GPC4: variants seen among roughly 807,000 people sequenced by gnomAD.
GPC4 encodes glypican-4.
Under a neutral mutation model 35.0 loss-of-function variants are expected in GPC4, and 10 were observed. The ratio of observed to expected loss-of-function variants is 0.29; its 90% confidence interval spans 0.18 to 0.48. The LOEUF (loss-of-function observed/expected upper bound fraction) is 0.48, where lower values mean the gene tolerates loss of function less well. GPC4 is among the 20% of genes least tolerant of loss of function. GPC4 has a pLI of 0.99. For synonymous variants in GPC4, 167 were observed against 170.2 expected, an observed-to-expected ratio of 0.98 and a Z score of 0.15; for missense variants, 322 against 451.3, an observed-to-expected ratio of 0.71 and a Z score of 2.60.
chrX:133,396,333 G>A (rs1023132668), intron 1 of GPC4, among the ~76,000 whole-genome samples: 30 of 111,312 alleles, frequency 2.7e-4, no homozygotes, highest in African/African-American at 9.5e-4. Context: ...TTCAGAAAAC[G>A]ACTTAATACT....
intron 1 of GPC4, among the ~76,000 whole-genome samples, chrX:133,376,960 C>G (rs2068636371): frequency 8.9e-6 from 1 of 111,963 alleles, no homozygotes; most frequent in African/African-American, 3.2e-5. Context: ...ACTGGACAAG[C>G]AGAACAGCTT....
intron 4 of GPC4, among the ~76,000 whole-genome samples, chrX:133,306,892 T>TA (rs1213453789): frequency 1.8e-5 from 2 of 112,164 alleles, no homozygotes; most frequent in Non-Finnish European, 3.8e-5. Flanking sequence ...TATCCTGCTT[T>TA]AGACTCTGGA....
chrX:133,355,881 T>C (rs1442576489), intron 1 of GPC4, among the ~76,000 whole-genome samples: 1 of 111,488 alleles, frequency 9.0e-6, no homozygotes, highest in Non-Finnish European at 1.9e-5. Context: ...GCTATCACCA[T>C]GTGACATGCT....
At chrX:133,371,746 A>C (rs6529573) in intron 1 of GPC4, among the ~76,000 whole-genome samples, 52,658 of 110,409 alleles carry the variant, frequency 0.48, 11,490 homozygotes, top group African/African-American at 0.86. Flanking sequence ...ATACCACTTA[A>C]AATGTTTTTC....
intron 1 of GPC4, among the ~76,000 whole-genome samples, chrX:133,387,320 T>A (rs1451498719): frequency 4.5e-5 from 5 of 111,800 alleles, no homozygotes; most frequent in African/African-American, 1.6e-4. Flanking sequence ...CTGCGAATAA[T>A]GTCCCAAAGC....
intron 1 of GPC4, among the ~76,000 whole-genome samples, chrX:133,374,982 T>G (rs893240168): frequency 3.6e-5 from 4 of 112,300 alleles, no homozygotes; most frequent in Non-Finnish European, 7.5e-5. Context: ...GTATATTTTT[T>G]GCTGCCTGGT....
At chrX:133,402,198 G>A (rs1475811276) in intron 1 of GPC4, among the ~76,000 whole-genome samples, 2 of 112,042 alleles carry the variant, frequency 1.8e-5, no homozygotes, top group Admixed American at 1.9e-4. Context: ...AGGACACAGT[G>A]CTTTGTTTTC....
chrX:133,333,116 G>T (rs772417883), intron 2 of GPC4, among the ~76,000 whole-genome samples: 1 of 112,275 alleles, frequency 8.9e-6, no homozygotes, highest in Non-Finnish European at 1.9e-5. Flanking sequence ...TCAATCAATC[G>T]GTTGGAGTCA....
intron 1 of GPC4, among the ~76,000 whole-genome samples, chrX:133,395,360 C>T (rs929815851): frequency 3.6e-5 from 4 of 111,298 alleles, no homozygotes; most frequent in African/African-American, 9.8e-5. Flanking sequence ...TGGTGGCTCA[C>T]GCCTGTAATC....
chrX:133,382,846 T>C (rs1001849247), intron 1 of GPC4, among the ~76,000 whole-genome samples: 57 of 112,997 alleles, frequency 5.0e-4, no homozygotes, highest in African/African-American at 1.6e-3. Context: ...CAACATCATA[T>C]GTCATTAGGG....
chrX:133,376,622 A>G (rs1364599119), intron 1 of GPC4, among the ~76,000 whole-genome samples: 3 of 112,173 alleles, frequency 2.7e-5, no homozygotes, highest in East Asian at 5.6e-4. Flanking sequence ...GCAGTGGTTT[A>G]TTGAAAGGAG....
intron 1 of GPC4, among the ~76,000 whole-genome samples, chrX:133,382,854 G>A (rs1216148218): frequency 8.9e-6 from 1 of 112,829 alleles, no homozygotes; most frequent in Non-Finnish European, 1.9e-5. Flanking sequence ...TATGTCATTA[G>A]GGAATTGCAA....
intron 1 of GPC4, among the ~76,000 whole-genome samples, chrX:133,383,824 G>C (rs2068675075): frequency 9.0e-6 from 1 of 111,663 alleles, no homozygotes; most frequent in African/African-American, 3.3e-5. Context: ...TCCAGCCTAA[G>C]GGGCAAAGCA....
At chrX:133,396,368 T>A (rs946217551) in intron 1 of GPC4, among the ~76,000 whole-genome samples, 1 of 111,910 alleles carries the variant, frequency 8.9e-6, no homozygotes, top group African/African-American at 3.2e-5. Flanking sequence ...TTTGGCAAAA[T>A]GTAGGATCTA....
intron 1 of GPC4, among the ~76,000 whole-genome samples, chrX:133,355,485 C>T (rs1305476108): frequency 8.9e-6 from 1 of 111,800 alleles, no homozygotes; most frequent in African/African-American, 3.3e-5. Context: ...ACAAAATGAG[C>T]CTATATTAAG....
chrX:133,397,275 A>T (rs1034379698), intron 1 of GPC4, among the ~76,000 whole-genome samples: 2 of 112,037 alleles, frequency 1.8e-5, no homozygotes, highest in Non-Finnish European at 3.8e-5. Context: ...AAATACAGAA[A>T]TTAGCCAGGT....
In GPC4 at chrX:133,324,549, C is replaced by CAA; in HGVS notation, c.320-14_320-13insTT. The CAA allele has an allele frequency of 2.5e-6, 2 of 794,745 alleles. No individual in the cohort carries two copies. Among genetic ancestry groups the CAA allele is most frequent in the Non-Finnish European group, 3.1e-6 (2 of 640,290 alleles). The allele number at this position is 794,745 out of a possible 1,213,427, so 65.5% of individuals were successfully genotyped here. A position where few individuals can be genotyped will look rare whatever the true frequency, so the allele number is the denominator to read the frequency against. ...TCTTTGAAGAATTCTGAAACCAACACCAAAAAAAAAAAAAAAAAAAGGAAA... is the reference window on the plus strand; with the variant it reads ...TCTTTGAAGAATTCTGAAACCAACACAACAAAAAAAAAAAAAAAAAAAGGAAA... On this transcript the variant is annotated splice_polypyrimidine_tract_variant and intron_variant, in intron 2 of 8. Transcript: ENST00000370828.
In GPC4 at chrX:133,322,625, G is replaced by A. The variant is rs187966213; in HGVS notation, c.711+1520C>T. 1.2e-4 allele frequency among the ~76,000 whole-genome samples: 13 copies of A among 110,776 alleles called. No individual in the cohort carries two copies. In the East Asian group the frequency reaches 3.4e-3, roughly 29 times the overall value. On this transcript the variant is annotated intron_variant, in intron 3 of 8. Transcript: ENST00000370828. The stretch of plus-strand genomic sequence containing the variant: ...TAATAAGCACCTCCCGATTTAGACA[G>A]TAAGTGTCCTGTTTGGATAAAAAAT...
chrX:133,326,098 C>T (rs969796297), intron 2 of GPC4, among the ~76,000 whole-genome samples: 1 of 107,548 alleles, frequency 9.3e-6, no homozygotes, highest in African/African-American at 3.4e-5. Context: ...CTTTTATTTA[C>T]TGGGCTTTCT....
Sources: gnomAD v4.1 joint callset for allele counts (sites outside exome capture counted in the v4.1 genomes callset) on GRCh38, gnomAD v4.1.1 for gene constraint, MANE v1.5 for transcripts, NCBI Gene and HGNC (gene_info 2026-07-23, HGNC 2026-07-21) for gene names.